Variants in PPP1R13B observed in about 807,000 individuals in gnomAD.
The protein encoded by PPP1R13B is apoptosis-stimulating of p53 protein 1.
PPP1R13B carries 44 observed loss-of-function variants against 119.8 expected under a neutral mutation model. The ratio of observed to expected loss-of-function variants is 0.37; its 90% CI spans 0.29 to 0.47. PPP1R13B has a LOEUF of 0.47. Among genes scored for constraint, PPP1R13B ranks in the 20% least tolerant of loss-of-function variants. The probability of loss-of-function intolerance (pLI) is 0.99; values close to 1 mark genes in which losing one functional copy is unlikely to be tolerated. For synonymous variants in PPP1R13B, 542 were observed against 561.5 expected (o/e 0.97, Z 0.49); for missense variants, 1,227 against 1,413.5 (o/e 0.87, Z 2.12).
rs971775421 is a variant in PPP1R13B, at chr14:103,734,276, C to G, written c.*878G>C. ...CGTCTGCCATCCTTCAGGCACCAAACAGCCCCGTCTACCTGGCCCTGGTCT... is the reference window on the plus strand; with the variant it reads ...CGTCTGCCATCCTTCAGGCACCAAAGAGCCCCGTCTACCTGGCCCTGGTCT... On this transcript the variant is annotated 3_prime_UTR_variant, in exon 17 of 17. Transcript: ENST00000202556. 3.1e-6 allele frequency: 1 copy of G among 318,452 alleles called. No individual in the cohort carries two copies. The highest frequency in any genetic ancestry group is 6.3e-6 in the Non-Finnish European group (1 of 158,828). 19.7% of individuals were successfully genotyped at this position (318,452 alleles called of 1,614,324 possible).
Position 103,734,080 on chromosome 14 carries a change from C to T in PPP1R13B, c.*1074G>A, listed in dbSNP as rs189096913. On this transcript the variant is annotated 3_prime_UTR_variant, in exon 17 of 17. Coordinates refer to ENST00000202556, the MANE Select transcript of PPP1R13B (RefSeq NM_015316.3). ...ACTTTTGGTATATAAAAAGCCTGTA[C>T]GTACAATTCACACCTCAGTGAAGCG... is the stretch of plus-strand genomic sequence containing the variant. 9.7e-5 allele frequency: 17 copies of T among 174,740 alleles called. No individual in the cohort carries two copies. Among genetic ancestry groups the T allele is most frequent in the Admixed American group, 6.0e-4 (11 of 18,416 alleles). 10.8% of individuals were successfully genotyped at this position (174,740 alleles called of 1,614,324 possible).
chr14:103,815,173 A>G (rs981532438), intron 1 of PPP1R13B, among the ~76,000 whole-genome samples: 2 of 152,220 alleles, frequency 1.3e-5, no homozygotes, highest in Non-Finnish European at 2.9e-5. Flanking sequence ...GAAAGAAGCC[A>G]GATACAAAAT....
chr14:103,733,289 C>G lies in PPP1R13B; in HGVS notation c.*1865G>C, dbSNP rs578027707. The G allele has an allele frequency of 4.1e-5, 18 of 440,464 alleles. No individual in the cohort carries two copies. Among genetic ancestry groups the G allele is most frequent in the African/African-American group, 3.2e-4 (16 of 50,028 alleles). The allele number at this position is 440,464 out of a possible 1,614,324, so 27.3% of individuals were successfully genotyped here. A position where few individuals can be genotyped will look rare whatever the true frequency, so the allele number is the denominator to read the frequency against. ...GAGACTGAGCTACACTACTGCTAAACTATTTTTAGCATAATATATACCATT... is the reference window on the plus strand; with the variant it reads ...GAGACTGAGCTACACTACTGCTAAAGTATTTTTAGCATAATATATACCATT... On this transcript the variant is annotated 3_prime_UTR_variant, in exon 17 of 17. Transcript: ENST00000202556.
Position 103,787,224 on chromosome 14 carries a change from G to A in PPP1R13B, c.158-2310C>T, listed in dbSNP as rs1315109064. On this transcript the variant is annotated intron_variant, in intron 2 of 16. Coordinates refer to ENST00000202556, the MANE Select transcript of PPP1R13B (RefSeq NM_015316.3). ...AACACTTTGGGAGGCTAAGGCAGGT[G>A]GACCACCTGAGGTTAGGAGTTCAAG... Among the ~76,000 whole-genome samples, 3 of 150,970 alleles carry A rather than the reference G, an allele frequency of 2.0e-5. No individual in the cohort carries two copies. In the East Asian group the frequency reaches 6.0e-4, roughly 30 times the overall value.
chr14:103,789,271 T>C (rs1051875743), intron 2 of PPP1R13B, among the ~76,000 whole-genome samples: 1 of 152,130 alleles, frequency 6.6e-6, no homozygotes, highest in South Asian at 2.1e-4. Context: ...CAGGCTGGAG[T>C]GCACTGGCAT....
At chr14:103,735,902 G>A in intron 16 of PPP1R13B, 101 bp downstream of exon 16, 1 of 1,319,836 alleles carries the variant, frequency 7.6e-7, no homozygotes, top group Non-Finnish European at 1.1e-6. Flanking sequence ...CTGAGGCTCA[G>A]AGAAGCGAAG....
At chr14:103,834,006 T>C (rs1179007391) in intron 1 of PPP1R13B, among the ~76,000 whole-genome samples, 1 of 152,226 alleles carries the variant, frequency 6.6e-6, no homozygotes, top group Admixed American at 6.5e-5. Context: ...CCAAGGATAC[T>C]GCAGTGGGAA....
At chr14:103,804,426 T>TA (rs1382180684) in intron 1 of PPP1R13B, among the ~76,000 whole-genome samples, 1 of 152,004 alleles carries the variant, frequency 6.6e-6, no homozygotes, top group Non-Finnish European at 1.5e-5. Context: ...TATAAGCTAT[T>TA]AAAAAACAGG....
intron 4 of PPP1R13B, among the ~76,000 whole-genome samples, chr14:103,761,690 G>T (rs894578187): frequency 6.6e-6 from 1 of 151,480 alleles, no homozygotes; most frequent in Non-Finnish European, 1.5e-5. Flanking sequence ...TTGAACCCAG[G>T]AGGCGGAAGT....
At chr14:103,783,099 C>T (rs2085374960) in intron 3 of PPP1R13B, among the ~76,000 whole-genome samples, 1 of 151,996 alleles carries the variant, frequency 6.6e-6, no homozygotes, top group South Asian at 2.1e-4. Context: ...AACCAGCACG[C>T]CTAGCCAAGT....
At chr14:103,831,604 C>G (rs2086665766) in intron 1 of PPP1R13B, among the ~76,000 whole-genome samples, 1 of 150,894 alleles carries the variant, frequency 6.6e-6, no homozygotes, top group Non-Finnish European at 1.5e-5. Context: ...AGCCACCATG[C>G]TCGGCCTCTT....
intron 4 of PPP1R13B, among the ~76,000 whole-genome samples, chr14:103,766,477 C>G (rs79748870): frequency 0.081 from 12,369 of 152,234 alleles, 700 homozygotes; most frequent in Non-Finnish European, 0.12. Context: ...GGAGGTGATG[C>G]CCTCACCACC....
rs1595843063 is a variant in PPP1R13B, at chr14:103,835,800, G to A, written c.9+11499C>T. 4.6e-5 allele frequency among the ~76,000 whole-genome samples: 7 copies of A among 151,734 alleles called. No homozygotes were observed. The South Asian group carries it at 1.3e-3, about 27-fold the overall frequency. On this transcript the variant is annotated intron_variant, in intron 1 of 16. Transcript: ENST00000202556. Reference sequence around the variant, plus strand: ...ATTTTTTGTATTTTTTAGTAGAGACGGGGTTTCACTGTGTTAGCCAGGATG... The same window carrying A: ...ATTTTTTGTATTTTTTAGTAGAGACAGGGTTTCACTGTGTTAGCCAGGATG...
chr14:103,803,959 G>T, intron 1 of PPP1R13B: 1 of 760,150 alleles, frequency 1.3e-6, no homozygotes, highest in Non-Finnish European at 1.6e-6. Flanking sequence ...GTAACAGACT[G>T]TGGCTATTTA....
chr14:103,843,731 G>A (rs2086961332), intron 1 of PPP1R13B, among the ~76,000 whole-genome samples: 2 of 152,172 alleles, frequency 1.3e-5, no homozygotes, highest in Non-Finnish European at 2.9e-5. Flanking sequence ...GAGGCAGGCA[G>A]ATCACAAGGT....
At position 103,740,170 on chromosome 14, in the gene PPP1R13B, T is replaced by C. The variant is rs201693001; in HGVS notation, c.2246A>G (p.Gln749Arg). 4.3e-6 allele frequency: 7 copies of C among 1,613,726 alleles called. No homozygotes were observed. Among genetic ancestry groups the C allele is most frequent in the Non-Finnish European group, 8.5e-7 (1 of 1,180,004 alleles). ...ATCGGCCAAGGTGCCCATGAAGTCC[T>C]GGGAGGGGCTGGGCTGGTAGAAAGG... is the stretch of plus-strand genomic sequence containing the variant. ...GTPFYQPSPS[Q>R]DFMGTLADVD... The change falls in exon 12 of 17, where the codon CAG (glutamine) becomes CGG (arginine). Residue 749 changes from glutamine to arginine, a missense_variant. By Grantham distance (43) the Gln-to-Arg change is conservative. Transcript: ENST00000202556. This position sits in a 1 kb window ranked among gnomAD's most constrained non-coding sequence, Gnocchi z 4.6.
At chr14:103,789,418 G>A (rs750881573) in intron 2 of PPP1R13B, among the ~76,000 whole-genome samples, 18 of 151,876 alleles carry the variant, frequency 1.2e-4, no homozygotes, top group Middle Eastern at 3.5e-3. Context: ...GTTTCACCAC[G>A]TTGACCAGGC....
chr14:103,780,304 C>T (rs906818014), intron 3 of PPP1R13B, among the ~76,000 whole-genome samples: 4 of 151,034 alleles, frequency 2.6e-5, no homozygotes, highest in Non-Finnish European at 4.4e-5. Flanking sequence ...TGGGCAACAG[C>T]GTGAAACCCT....
chr14:103,749,914 C>G lies in PPP1R13B; in HGVS notation c.849G>C (p.Gln283His), dbSNP rs753580426. 1.9e-6 allele frequency: 3 copies of G among 1,613,830 alleles called. No individual in the cohort carries two copies. The highest frequency in any genetic ancestry group is 2.5e-6 in the Non-Finnish European group (3 of 1,179,948). ...GCTGCTGAAGTTTTGAATTTTGTTC[C>G]TGGTTAAGTTGGTTACGAATCTACA... ...QELQIRNQLNQEQNSKLQQQK... is the reference protein window; with the variant it reads ...QELQIRNQLNHEQNSKLQQQK... The change falls in exon 8 of 17, where the codon CAG becomes CAC. Residue 283 changes from glutamine to histidine, a missense_variant. Physicochemically the swap from Gln to His is conservative, Grantham distance 24 (BLOSUM62 0). Transcript: ENST00000202556.
Sources: gnomAD v4.1 joint callset for allele counts (sites outside exome capture counted in the v4.1 genomes callset) on GRCh38, gnomAD v4.1.1 for gene constraint, Gnocchi (gnomAD v3.1) non-coding constraint, MANE v1.5 for transcripts, NCBI Gene and HGNC (gene_info 2026-07-23, HGNC 2026-07-21) for gene names.